Variants in LHFPL3 observed in about 807,000 individuals in gnomAD.
LHFPL3 encodes LHFPL tetraspan subfamily member 3 protein.
In LHFPL3, 5 loss-of-function variants were observed where a neutral mutation model predicts 19.3. That is an observed-to-expected ratio of 0.26 (90% CI 0.14 to 0.54). The LOEUF (loss-of-function observed/expected upper bound fraction) is 0.54. LHFPL3 is among the 20% of genes least tolerant of loss of function. The probability of loss-of-function intolerance (pLI) is 0.94; values close to 1 mark genes in which losing one functional copy is unlikely to be tolerated. For missense variants in LHFPL3, 249 were observed against 307.4 expected (o/e 0.81, Z 1.42); for synonymous variants, 133 against 126.2 (o/e 1.05, Z -0.36).
At chr7:104,445,029 C>G (rs1179978221) in intron 1 of LHFPL3, among the ~76,000 whole-genome samples, 3 of 151,848 alleles carry the variant, frequency 2.0e-5, no homozygotes, top group Non-Finnish European at 4.4e-5. Context: ...GTGGGACACT[C>G]TCTGATTAAT....
chr7:104,769,233 T>A (rs1794508855), intron 2 of LHFPL3, among the ~76,000 whole-genome samples: 1 of 152,224 alleles, frequency 6.6e-6, no homozygotes, highest in Non-Finnish European at 1.5e-5. Context: ...TTACTGTCAT[T>A]AAGAAGGGAC....
chr7:104,797,529 C>T (rs1235014145), intron 2 of LHFPL3, among the ~76,000 whole-genome samples: 2 of 152,122 alleles, frequency 1.3e-5, no homozygotes, highest in African/African-American at 2.4e-5. Context: ...CCAGTCAGCC[C>T]ATGATGGAGA....
At chr7:104,788,836 ACTC>A (rs942201824) in intron 2 of LHFPL3, among the ~76,000 whole-genome samples, 1 of 151,818 alleles carries the variant, frequency 6.6e-6, no homozygotes, top group Non-Finnish European at 1.5e-5. Flanking sequence ...TCCCTCTCTC[ACTC>A]CTCAACAAGA....
At chr7:104,373,888 T>G (rs1323205745) in intron 1 of LHFPL3, among the ~76,000 whole-genome samples, 1 of 152,192 alleles carries the variant, frequency 6.6e-6, no homozygotes, top group Non-Finnish European at 1.5e-5. Flanking sequence ...AGAGGATGGC[T>G]TTGCAGGATC....
intron 2 of LHFPL3, among the ~76,000 whole-genome samples, chr7:104,855,968 G>A (rs1030237112): frequency 6.6e-6 from 1 of 152,074 alleles, no homozygotes; most frequent in Non-Finnish European, 1.5e-5. Context: ...AACTTGCCTG[G>A]CCCAGAATCT....
chr7:104,541,506 A>C (rs1794486391), intron 1 of LHFPL3, among the ~76,000 whole-genome samples: 1 of 152,148 alleles, frequency 6.6e-6, no homozygotes, highest in African/African-American at 2.4e-5. Context: ...CCTAGGTACA[A>C]GGTGATGAGG....
chr7:104,468,783 C>T (rs748824853), intron 1 of LHFPL3, among the ~76,000 whole-genome samples: 43 of 151,868 alleles, frequency 2.8e-4, no homozygotes, highest in Admixed American at 1.1e-3. Flanking sequence ...CTCAGCCTCC[C>T]GAGTAGCTGG....
chr7:104,571,683 C>G (rs1000852639), intron 1 of LHFPL3, among the ~76,000 whole-genome samples: 1 of 152,182 alleles, frequency 6.6e-6, no homozygotes, highest in African/African-American at 2.4e-5. Flanking sequence ...AATTCTGCCT[C>G]AGAAGAAGCA....
chr7:104,597,327 T>C (rs1040446265), intron 1 of LHFPL3, among the ~76,000 whole-genome samples: 3 of 152,226 alleles, frequency 2.0e-5, no homozygotes, highest in African/African-American at 7.2e-5. Flanking sequence ...AACTAAAAAA[T>C]AAACTTTCCA....
chr7:104,734,137 C>G (rs1192965484), intron 1 of LHFPL3, among the ~76,000 whole-genome samples: 1 of 152,218 alleles, frequency 6.6e-6, no homozygotes, highest in Non-Finnish European at 1.5e-5. Context: ...CGACCTTTCT[C>G]TCTGGCTGCC....
intron 1 of LHFPL3, among the ~76,000 whole-genome samples, chr7:104,389,837 C>T (rs1451271357): frequency 6.6e-6 from 1 of 152,072 alleles, no homozygotes; most frequent in Non-Finnish European, 1.5e-5. Context: ...AGTTGGGCCA[C>T]CTACCTCATA....
At chr7:104,392,967 A>ATT (rs1033862474) in intron 1 of LHFPL3, among the ~76,000 whole-genome samples, 1 of 152,162 alleles carries the variant, frequency 6.6e-6, no homozygotes, top group African/African-American at 2.4e-5. Flanking sequence ...TTTCTAATTT[A>ATT]TTTGCGTAGA....
At chr7:104,822,449 T>G (rs1790692616) in intron 2 of LHFPL3, among the ~76,000 whole-genome samples, 1 of 152,306 alleles carries the variant, frequency 6.6e-6, no homozygotes, top group Non-Finnish European at 1.5e-5. Flanking sequence ...ATTGACATTA[T>G]GGACCAGCTA....
intron 1 of LHFPL3, among the ~76,000 whole-genome samples, chr7:104,664,817 A>G (rs547068051): frequency 1.3e-5 from 2 of 152,290 alleles, no homozygotes; most frequent in African/African-American, 2.4e-5. Context: ...AGTGCCATCT[A>G]TCACCTCCAT....
intron 1 of LHFPL3, among the ~76,000 whole-genome samples, chr7:104,378,390 C>T (rs1284746370): frequency 6.6e-6 from 1 of 152,184 alleles, no homozygotes; most frequent in Non-Finnish European, 1.5e-5. Context: ...TAGTTCATTT[C>T]TCTTCATTAC....
At chr7:104,776,939 TA>T (rs1029610215) in intron 2 of LHFPL3, among the ~76,000 whole-genome samples, 4 of 152,184 alleles carry the variant, frequency 2.6e-5, no homozygotes, top group Admixed American at 2.6e-4. Flanking sequence ...ACTTGAGAAC[TA>T]AAATGGGGCT....
At chr7:104,624,903 C>T (rs4730031) in intron 1 of LHFPL3, among the ~76,000 whole-genome samples, 110,454 of 152,142 alleles carry the variant, frequency 0.73, 40,163 homozygotes, top group East Asian at 0.77. Context: ...AAATCTGAGT[C>T]CAGGTTTAAA....
chr7:104,668,056 T>C (rs1260325322), intron 1 of LHFPL3: 26 of 1,613,690 alleles, frequency 1.6e-5, no homozygotes, highest in Non-Finnish European at 2.0e-5. Flanking sequence ...CTAGGAAACC[T>C]ACCCTATGAT....
chr7:104,646,229 G>A (rs1324473525), intron 1 of LHFPL3, among the ~76,000 whole-genome samples: 1 of 152,222 alleles, frequency 6.6e-6, no homozygotes, highest in Non-Finnish European at 1.5e-5. Flanking sequence ...GAGCTGTATT[G>A]TAAGTGGGCT....
Sources: gnomAD v4.1 joint callset for allele counts (sites outside exome capture counted in the v4.1 genomes callset) on GRCh38, gnomAD v4.1.1 for gene constraint, MANE v1.5 for transcripts, NCBI Gene and HGNC (gene_info 2026-07-23, HGNC 2026-07-21) for gene names.